ASIC2: variants seen among roughly 807,000 people sequenced by gnomAD.
The protein encoded by ASIC2 is acid-sensing ion channel 2.
Under a neutral mutation model 57.3 loss-of-function variants are expected in ASIC2, and 25 were observed. The ratio of observed to expected loss-of-function variants is 0.44; its 90% CI spans 0.32 to 0.61. The LOEUF is 0.61. Among genes scored for constraint, ASIC2 ranks in the 20% least tolerant of loss-of-function variants. The probability of loss-of-function intolerance (pLI) is 0.06; values close to 1 mark genes in which losing one functional copy is unlikely to be tolerated. For synonymous variants in ASIC2, 319 were observed against 307.5 expected, an observed-to-expected ratio of 1.04 and a Z score of -0.39; for missense variants, 641 against 738.1, an observed-to-expected ratio of 0.87 and a Z score of 1.52.
intron 1 of ASIC2, among the ~76,000 whole-genome samples, chr17:33,131,149 A>G (rs2092344602): frequency 6.6e-6 from 1 of 152,198 alleles, no homozygotes; most frequent in African/African-American, 2.4e-5. Context: ...ACAGGATCCA[A>G]TGGGCAGAAC....
chr17:33,385,002 C>G (rs1165490435), intron 1 of ASIC2, among the ~76,000 whole-genome samples: 1 of 152,160 alleles, frequency 6.6e-6, no homozygotes, highest in Non-Finnish European at 1.5e-5. Flanking sequence ...ATTCCAAATT[C>G]CATTTCTCTC....
chr17:34,051,633 G>A (rs1908558436), intron 1 of ASIC2: 1 of 152,104 alleles, frequency 6.6e-6, no homozygotes, highest in Non-Finnish European at 1.5e-5. Flanking sequence ...CCTCACACAA[G>A]GTCTGACATT....
intron 1 of ASIC2, among the ~76,000 whole-genome samples, chr17:33,856,623 G>T (rs1489601306): frequency 9.1e-6 from 1 of 109,670 alleles, no homozygotes; most frequent in East Asian, 2.5e-4. Context: ...AGCAGGAATT[G>T]TTTCTACACC....
intron 1 of ASIC2, among the ~76,000 whole-genome samples, chr17:33,180,508 T>G (rs1382988823): frequency 1.3e-5 from 2 of 151,940 alleles, no homozygotes; most frequent in Non-Finnish European, 2.9e-5. Context: ...GCTGGTGAGG[T>G]GGGTGGAGGG....
rs1911488144 is a variant in ASIC2 at position 33,433,453 on chromosome 17, A to G, written c.556-321386T>C. Among the ~76,000 whole-genome samples, 4 of 152,326 alleles carry G rather than the reference A, an allele frequency of 2.6e-5. No individual in the cohort carries two copies. The South Asian group carries it at 8.3e-4, about 32-fold the overall frequency. Reference sequence around the variant, plus strand: ...CAGGAAAAAATAACCAGTGGGTATTAGGCTTAATACCTTGATGACCGGCCA... The same window carrying G: ...CAGGAAAAAATAACCAGTGGGTATTGGGCTTAATACCTTGATGACCGGCCA... On this transcript the variant is annotated intron_variant, in intron 1 of 9. Transcript: ENST00000359872.
intron 1 of ASIC2, among the ~76,000 whole-genome samples, chr17:34,069,117 G>A (rs1463808780): frequency 2.6e-5 from 4 of 152,042 alleles, no homozygotes; most frequent in East Asian, 1.9e-4. Flanking sequence ...GAAATGAGCC[G>A]TGATGGGAGT....
chr17:33,402,492 T>C (rs1910319591), intron 1 of ASIC2, among the ~76,000 whole-genome samples: 1 of 152,192 alleles, frequency 6.6e-6, no homozygotes, highest in Admixed American at 6.5e-5. Context: ...CTTGTGTCCA[T>C]GTGTTCTCAT....
chr17:33,129,378 A>T (rs2092336398), intron 1 of ASIC2, among the ~76,000 whole-genome samples: 1 of 152,262 alleles, frequency 6.6e-6, no homozygotes, highest in Non-Finnish European at 1.5e-5. Flanking sequence ...TTTAGAATAG[A>T]AAATAGCCGA....
intron 1 of ASIC2, among the ~76,000 whole-genome samples, chr17:34,089,861 C>T (rs78835260): frequency 6.6e-6 from 1 of 152,338 alleles, no homozygotes; most frequent in East Asian, 1.9e-4. Flanking sequence ...CTGTTTCAGA[C>T]AGCCCAGCAG....
At chr17:34,096,188 A>G (rs1029643789) in intron 1 of ASIC2, among the ~76,000 whole-genome samples, 3 of 152,184 alleles carry the variant, frequency 2.0e-5, no homozygotes, top group Non-Finnish European at 4.4e-5. Context: ...TATTTGAATC[A>G]ATCTTGGTAG....
chr17:33,182,527 A>G (rs1404452465), intron 1 of ASIC2, among the ~76,000 whole-genome samples: 1 of 152,164 alleles, frequency 6.6e-6, no homozygotes, highest in Non-Finnish European at 1.5e-5. Flanking sequence ...TCAGTGTCTC[A>G]ATTACAGGAG....
chr17:33,928,365 G>A (rs1364094320), intron 1 of ASIC2, among the ~76,000 whole-genome samples: 1 of 152,178 alleles, frequency 6.6e-6, no homozygotes, highest in Non-Finnish European at 1.5e-5. Flanking sequence ...AGGGGTGGGT[G>A]GTAAAAGCTG....
At chr17:33,054,861 C>T (rs757634007) in intron 3 of ASIC2, among the ~76,000 whole-genome samples, 13 of 152,250 alleles carry the variant, frequency 8.5e-5, no homozygotes, top group East Asian at 3.9e-4. Flanking sequence ...ACTTGTTACA[C>T]GGTTGCTTTT....
chr17:33,583,577 A>C (rs1904514115), intron 1 of ASIC2, among the ~76,000 whole-genome samples: 2 of 152,204 alleles, frequency 1.3e-5, no homozygotes, highest in South Asian at 4.1e-4. Context: ...AGCTCTAAGC[A>C]TCAGGACCCA....
At chr17:33,098,192 A>C (rs557029434) in intron 2 of ASIC2, among the ~76,000 whole-genome samples, 1 of 152,274 alleles carries the variant, frequency 6.6e-6, no homozygotes, top group East Asian at 1.9e-4. Context: ...ACTGCATCTC[A>C]TTTTAATCTC....
chr17:34,156,237 A>G lies in ASIC2; in HGVS notation c.296T>C (p.Phe99Ser), dbSNP rs1449041346. Reference sequence around the variant, plus strand: ...CAGGTCATTGGTGGTGAGCCTGGAGAACCGGAAGCCATTCAGGTTACAGAG... The same window carrying G: ...CAGGTCATTGGTGGTGAGCCTGGAGGACCGGAAGCCATTCAGGTTACAGAG... The change falls in exon 1 of 10, where the codon TTC (phenylalanine) becomes TCC (serine). Residue 99 changes from phenylalanine (F) to serine (S), a missense_variant. Transcript: ENST00000359872. The surrounding 1 kb of genome is among the most constrained non-coding windows in gnomAD (Gnocchi z 4.4). 4 of 1,614,120 alleles carry G rather than the reference A, an allele frequency of 2.5e-6. No individual in the cohort carries two copies. The highest frequency in any genetic ancestry group is 3.4e-6 in the Non-Finnish European group (4 of 1,180,010).
intron 1 of ASIC2, among the ~76,000 whole-genome samples, chr17:33,712,803 G>A (rs956016585): frequency 1.5e-4 from 23 of 151,118 alleles, no homozygotes; most frequent in African/African-American, 5.1e-4. Context: ...CCGCCACTAC[G>A]CCCGGCTAAT....
At chr17:33,372,410 T>A (rs1037954929) in intron 1 of ASIC2, among the ~76,000 whole-genome samples, 1 of 152,128 alleles carries the variant, frequency 6.6e-6, no homozygotes, top group African/African-American at 2.4e-5. Flanking sequence ...AAGCTCTGCC[T>A]ACCCCCTGGG....
At chr17:33,098,815 C>T (rs970995958) in intron 2 of ASIC2, among the ~76,000 whole-genome samples, 5 of 152,046 alleles carry the variant, frequency 3.3e-5, no homozygotes, top group East Asian at 1.9e-4. Context: ...AGGACCAAAT[C>T]GGAAGATGTG....
Sources: allele counts gnomAD v4.1 joint callset (sites outside exome capture counted in the v4.1 genomes callset), GRCh38; gene constraint gnomAD v4.1.1; non-coding constraint Gnocchi (gnomAD v3.1); transcripts MANE v1.5; gene names NCBI Gene and HGNC (gene_info 2026-07-23, HGNC 2026-07-21).